Variants in PPM1E observed in about 807,000 individuals in gnomAD.
The protein encoded by PPM1E is protein phosphatase, Mg2+/Mn2+ dependent 1E.
Under a neutral mutation model 65.9 loss-of-function variants are expected in PPM1E, and 20 were observed. The ratio of observed to expected loss-of-function variants is 0.30; its 90% CI spans 0.21 to 0.44. PPM1E has a LOEUF of 0.44. Ranked by LOEUF, PPM1E falls within the 20% of genes least tolerant of loss-of-function variation. The pLI, the probability that PPM1E is intolerant of heterozygous loss-of-function variation, is 1.00. For synonymous variants in PPM1E, 352 were observed against 374.9 expected (o/e 0.94, Z 0.70); for missense variants, 713 against 953.1 (o/e 0.75, Z 3.32).
intron 1 of PPM1E, among the ~76,000 whole-genome samples, chr17:58,810,120 AG>A (rs1188232111): frequency 6.6e-6 from 1 of 152,230 alleles, no homozygotes; most frequent in Non-Finnish European, 1.5e-5. Context: ...TCAGGTGCTT[AG>A]TAGCTACGTG....
At chr17:58,877,442 A>G (rs1420662508) in intron 1 of PPM1E, among the ~76,000 whole-genome samples, 2 of 152,222 alleles carry the variant, frequency 1.3e-5, no homozygotes, top group East Asian at 3.8e-4. Context: ...ACAAAGATTT[A>G]TAGATTGCTA....
chr17:58,831,624 C>T (rs1364102890), intron 1 of PPM1E, among the ~76,000 whole-genome samples: 1 of 152,146 alleles, frequency 6.6e-6, no homozygotes, highest in East Asian at 1.9e-4. Context: ...TCTCCTTATA[C>T]CCGCTGTCTG....
intron 1 of PPM1E, among the ~76,000 whole-genome samples, chr17:58,852,310 T>C (rs532506703): frequency 6.6e-6 from 1 of 152,282 alleles, no homozygotes; most frequent in East Asian, 1.9e-4. Context: ...AGTACCTCAG[T>C]TGGAAATGCA....
rs1418735832 is a variant in PPM1E at position 58,969,651 on chromosome 17, C to T, written c.896C>T (p.Pro299Leu). Residue 299 changes from proline (P) to leucine (L), a missense_variant, in exon 4 of 7, where the codon CCC becomes CTC. Physicochemically the swap from Pro to Leu is moderately conservative, Grantham distance 98. Around this residue, in one of 6 missense-constraint regions of PPM1E, gnomAD observed 18 missense variants for 16.4 expected, o/e 1.10. Transcript: ENST00000308249. ...AACTTAGTCCGCCAGGAGATGTTCC[C>T]CCATGATCCTGCTGAGGCCCTGTGC... ...HVNLVRQEMF[P>L]HDPAEALCRA... The T allele has an allele frequency of 1.3e-5, 21 of 1,614,024 alleles. No homozygotes were observed. The highest frequency in any genetic ancestry group is 1.7e-5 in the Non-Finnish European group (20 of 1,180,032).
At chr17:58,774,167 C>A (rs189236862) in intron 1 of PPM1E, among the ~76,000 whole-genome samples, 7 of 151,170 alleles carry the variant, frequency 4.6e-5, no homozygotes, top group Non-Finnish European at 7.4e-5. Context: ...TGTCCCCCCC[C>A]CCCAAAAAAA....
At chr17:58,928,270 C>A (rs910660377) in intron 1 of PPM1E, among the ~76,000 whole-genome samples, 2 of 151,978 alleles carry the variant, frequency 1.3e-5, no homozygotes, top group African/African-American at 4.8e-5. Context: ...CTGGCAGATA[C>A]AACCAGAAAC....
At chr17:58,967,803 CTTTTTTTT>C in intron 3 of PPM1E, among the ~76,000 whole-genome samples, 1 of 138,056 alleles carries the variant, frequency 7.2e-6, no homozygotes, top group South Asian at 2.3e-4. Context: ...TTCTTTATTT[CTTTTTTTT>C]TTTTTTTGAA....
At chr17:58,925,270 C>A (rs1207686069) in intron 1 of PPM1E, among the ~76,000 whole-genome samples, 2 of 151,986 alleles carry the variant, frequency 1.3e-5, no homozygotes, top group East Asian at 3.9e-4. Context: ...AATTGCCATT[C>A]TGACTGGTGT....
In PPM1E at chr17:58,792,954, A is replaced by G. The variant is rs1023283255; in HGVS notation, c.464+36493A>G. Among the ~76,000 whole-genome samples the G allele has an allele frequency of 6.7e-4, 102 of 151,614 alleles. 1 individual carries two copies. Among genetic ancestry groups the G allele is most frequent in the African/African-American group, 2.4e-3 (101 of 41,326 alleles). ...TTTTTAGTAGAGACAGGGTTTCACC[A>G]TGTTGGCCAGATCTCAATCTCTTGG... On this transcript the variant is annotated intron_variant, in intron 1 of 6. Transcript: ENST00000308249.
intron 1 of PPM1E, 45 bp downstream of exon 1, chr17:58,756,506 C>G: frequency 7.9e-7 from 1 of 1,262,280 alleles, no homozygotes; most frequent in Non-Finnish European, 1.0e-6. Flanking sequence ...CGGTCCCCAC[C>G]GCGCCGGCCT....
intron 1 of PPM1E, among the ~76,000 whole-genome samples, chr17:58,865,860 A>G (rs1430934740): frequency 6.6e-6 from 1 of 152,234 alleles, no homozygotes; most frequent in Non-Finnish European, 1.5e-5. Context: ...TTGTTAGGTG[A>G]AAATTTACAT....
intron 1 of PPM1E, among the ~76,000 whole-genome samples, chr17:58,777,439 G>A (rs918579865): frequency 3.9e-5 from 6 of 152,008 alleles, no homozygotes; most frequent in Admixed American, 3.3e-4. Flanking sequence ...TCTATATTTT[G>A]TCATTTCATT....
At chr17:58,938,983 T>C (rs891572791) in intron 1 of PPM1E, among the ~76,000 whole-genome samples, 6 of 151,874 alleles carry the variant, frequency 4.0e-5, no homozygotes, top group South Asian at 4.1e-4. Flanking sequence ...AGAGGGGGTT[T>C]CACCATGTTG....
intron 1 of PPM1E, among the ~76,000 whole-genome samples, chr17:58,940,532 G>T (rs932826044): frequency 6.6e-6 from 1 of 152,288 alleles, no homozygotes; most frequent in East Asian, 1.9e-4. Flanking sequence ...GACTAAAAAT[G>T]TATTGCAGAT....
intron 1 of PPM1E, among the ~76,000 whole-genome samples, chr17:58,939,093 A>T (rs2052025376): frequency 1.3e-5 from 2 of 151,968 alleles, no homozygotes; most frequent in Admixed American, 1.3e-4. Flanking sequence ...TGGCCCACTA[A>T]TTCCGATAAT....
intron 1 of PPM1E, among the ~76,000 whole-genome samples, chr17:58,882,601 G>T (rs1485530749): frequency 1.3e-5 from 2 of 152,046 alleles, no homozygotes; most frequent in African/African-American, 4.8e-5. Context: ...ATGTTGGCCA[G>T]GCTGGTCTCA....
chr17:58,790,231 A>AT (rs930640880), intron 1 of PPM1E, among the ~76,000 whole-genome samples: 117 of 146,098 alleles, frequency 8.0e-4, no homozygotes, highest in Middle Eastern at 3.5e-3. Flanking sequence ...GCTAATTAAA[A>AT]TTTTTTTTTT....
At position 58,980,451 on chromosome 17, in the gene PPM1E, T is replaced by C; in HGVS notation, c.1688T>C (p.Val563Ala). 1 of 1,614,170 alleles carries C rather than the reference T, an allele frequency of 6.2e-7. No individual in the cohort carries two copies. The highest frequency in any genetic ancestry group is 8.5e-7 in the Non-Finnish European group (1 of 1,180,032). The change falls in exon 7 of 7, where the codon GTG becomes GCG. Residue 563 changes from valine (V) to alanine (A), a missense_variant. Val to Ala is a moderately conservative substitution (Grantham distance 64). Around this residue, in one of 6 missense-constraint regions of PPM1E, gnomAD observed 286 missense variants for 313.8 expected, o/e 0.91. Coordinates refer to ENST00000308249, the MANE Select transcript of PPM1E (RefSeq NM_014906.5). This position sits in a 1 kb window ranked among gnomAD's most constrained non-coding sequence, Gnocchi z 4.7. ...CTGAGCCCAGGGTCCCAAATCAACG[T>C]GCTGGAAGACCCAGGCTACCTAGAT... Reference protein sequence around the residue: ...TSLSPGSQINVLEDPGYLDLT... With the variant: ...TSLSPGSQINALEDPGYLDLT...
intron 2 of PPM1E, among the ~76,000 whole-genome samples, chr17:58,964,170 G>A (rs1406364674): frequency 6.6e-6 from 1 of 152,124 alleles, no homozygotes; most frequent in African/African-American, 2.4e-5. Context: ...GGCACGTGTA[G>A]CCATTGCCAT....
Sources: gnomAD v4.1 joint callset for allele counts (sites outside exome capture counted in the v4.1 genomes callset) on GRCh38, gnomAD v4.1.1 for gene constraint, gnomAD v4.1.1 regional missense constraint, Gnocchi (gnomAD v3.1) non-coding constraint, MANE v1.5 for transcripts, NCBI Gene and HGNC (gene_info 2026-07-23, HGNC 2026-07-21) for gene names.